ANKS1B: variants seen among roughly 807,000 people sequenced by gnomAD.
ANKS1B encodes ankyrin repeat and sterile alpha motif domain-containing protein 1B.
ANKS1B carries 36 observed loss-of-function variants against 148.3 expected under a neutral mutation model. That is an observed-to-expected ratio of 0.24 (90% CI 0.19 to 0.32). The LOEUF (loss-of-function observed/expected upper bound fraction) is 0.32. ANKS1B is among the 10% of genes least tolerant of loss of function. The pLI is 1.00. For synonymous variants in ANKS1B, 542 were observed against 560.8 expected, an observed-to-expected ratio of 0.97 and a Z score of 0.47; for missense variants, 1,157 against 1,542.6, an observed-to-expected ratio of 0.75 and a Z score of 4.19.
intron 8 of ANKS1B, among the ~76,000 whole-genome samples, chr12:99,689,960 G>C (rs144410966): frequency 4.6e-5 from 7 of 152,098 alleles, no homozygotes; most frequent in Non-Finnish European, 8.8e-5. Context: ...CCCAAGAATC[G>C]ATAATTTATA....
At chr12:99,224,796 G>T (rs2085642446) in intron 14 of ANKS1B, among the ~76,000 whole-genome samples, 1 of 152,138 alleles carries the variant, frequency 6.6e-6, no homozygotes, top group Admixed American at 6.5e-5. Context: ...AGGTCATACA[G>T]TAGGTAAGCG....
chr12:99,770,863 G>A (rs1024916659), intron 8 of ANKS1B, among the ~76,000 whole-genome samples: 7 of 151,966 alleles, frequency 4.6e-5, no homozygotes, highest in African/African-American at 1.7e-4. Context: ...ATATTTTATA[G>A]GGAAATATTT....
chr12:99,599,251 T>G (rs1401265109), intron 9 of ANKS1B, among the ~76,000 whole-genome samples: 1 of 152,084 alleles, frequency 6.6e-6, no homozygotes, highest in African/African-American at 2.4e-5. Context: ...GGGGCATTTT[T>G]CAGTCTATCA....
At chr12:98,914,808 C>T (rs765628183) in intron 17 of ANKS1B, among the ~76,000 whole-genome samples, 9 of 152,172 alleles carry the variant, frequency 5.9e-5, no homozygotes, top group Non-Finnish European at 1.2e-4. Flanking sequence ...AAATGAACCT[C>T]CTCACTGAAG....
At chr12:99,075,001 G>T (rs1196358195) in intron 16 of ANKS1B, among the ~76,000 whole-genome samples, 2 of 152,160 alleles carry the variant, frequency 1.3e-5, no homozygotes, top group Non-Finnish European at 2.9e-5. Flanking sequence ...CCAGAGAGAA[G>T]ATGTTGTAAA....
intron 17 of ANKS1B, among the ~76,000 whole-genome samples, chr12:99,007,007 A>G (rs541583581): frequency 3.9e-5 from 6 of 152,202 alleles, no homozygotes; most frequent in Non-Finnish European, 4.4e-5. Context: ...GCTGAAAACT[A>G]TACAAACTGA....
At chr12:99,218,455 GTTTCT>G (rs1030740338) in intron 14 of ANKS1B, among the ~76,000 whole-genome samples, 1 of 152,142 alleles carries the variant, frequency 6.6e-6, no homozygotes, top group Non-Finnish European at 1.5e-5. Flanking sequence ...TGCAATCTCT[GTTTCT>G]GTATACAGGC....
At chr12:99,738,777 C>G (rs2153578095) in intron 8 of ANKS1B, among the ~76,000 whole-genome samples, 1 of 152,234 alleles carries the variant, frequency 6.6e-6, no homozygotes, top group East Asian at 1.9e-4. Flanking sequence ...TAAGAAGTAA[C>G]TTGTCTGGAA....
At chr12:99,277,922 T>C (rs1187874220) in intron 12 of ANKS1B, among the ~76,000 whole-genome samples, 1 of 152,232 alleles carries the variant, frequency 6.6e-6, no homozygotes, top group African/African-American at 2.4e-5. Context: ...AGGAGATAAT[T>C]TGAACATGCT....
At chr12:99,930,508 T>C (rs1303286586) in intron 1 of ANKS1B, among the ~76,000 whole-genome samples, 1 of 152,164 alleles carries the variant, frequency 6.6e-6, no homozygotes, top group East Asian at 1.9e-4. Context: ...CCTGCCTGAT[T>C]GCCCTGGCCA....
chr12:99,889,999 C>T (rs2093013073), intron 1 of ANKS1B, among the ~76,000 whole-genome samples: 1 of 152,110 alleles, frequency 6.6e-6, no homozygotes, highest in Non-Finnish European at 1.5e-5. Flanking sequence ...TAGTTGAAAA[C>T]CACTGGACTG....
At chr12:99,555,740 T>G (rs1435766583) in intron 9 of ANKS1B, among the ~76,000 whole-genome samples, 1 of 152,188 alleles carries the variant, frequency 6.6e-6, no homozygotes, top group Non-Finnish European at 1.5e-5. Flanking sequence ...CAAATCATAT[T>G]TATTTGCGTA....
At chr12:99,708,730 C>T (rs761108951) in intron 8 of ANKS1B, among the ~76,000 whole-genome samples, 6 of 152,082 alleles carry the variant, frequency 3.9e-5, no homozygotes, top group Non-Finnish European at 8.8e-5. Flanking sequence ...ATTTAGGGTC[C>T]ACCCAGATAA....
intron 25 of ANKS1B, among the ~76,000 whole-genome samples, chr12:98,757,505 G>C (rs549459300): frequency 6.6e-6 from 1 of 152,208 alleles, no homozygotes; most frequent in Non-Finnish European, 1.5e-5. Flanking sequence ...ATGAGCCCAG[G>C]AGCTGTGATG....
intron 12 of ANKS1B, among the ~76,000 whole-genome samples, chr12:99,356,089 G>C (rs1331340942): frequency 6.6e-6 from 1 of 152,020 alleles, no homozygotes; most frequent in Non-Finnish European, 1.5e-5. Flanking sequence ...GGAGTAAAGG[G>C]TACTCTTAAA....
intron 1 of ANKS1B, among the ~76,000 whole-genome samples, chr12:99,941,917 C>T (rs772584565): frequency 2.6e-5 from 4 of 152,070 alleles, no homozygotes; most frequent in East Asian, 1.9e-4. Flanking sequence ...ACAGGGAGGA[C>T]GGTATGGACA....
intron 14 of ANKS1B, among the ~76,000 whole-genome samples, chr12:99,239,558 T>C (rs1179186995): frequency 6.6e-6 from 1 of 151,948 alleles, no homozygotes; most frequent in Non-Finnish European, 1.5e-5. Flanking sequence ...ATTCAGGAAA[T>C]ACAGAGAACA....
chr12:98,934,975 T>A (rs1277393242), intron 17 of ANKS1B, among the ~76,000 whole-genome samples: 1 of 152,120 alleles, frequency 6.6e-6, no homozygotes, highest in African/African-American at 2.4e-5. Context: ...CCTTTTTTCC[T>A]TGCCTGACTG....
chr12:99,968,485 G>C (rs2095517262), intron 1 of ANKS1B, among the ~76,000 whole-genome samples: 1 of 152,206 alleles, frequency 6.6e-6, no homozygotes, highest in Non-Finnish European at 1.5e-5. Flanking sequence ...GTGAACCCTG[G>C]AGGCGGCACT....
Sources: allele counts gnomAD v4.1 joint callset (sites outside exome capture counted in the v4.1 genomes callset), GRCh38; gene constraint gnomAD v4.1.1; transcripts MANE v1.5; gene names NCBI Gene and HGNC (gene_info 2026-07-23, HGNC 2026-07-21).